ROR2: variants seen among roughly 807,000 people sequenced by gnomAD.
ROR2 encodes the protein ROR family WNT receptor 2, also known as tyrosine-protein kinase transmembrane receptor ROR2.
ROR2 carries 33 observed loss-of-function variants against 74.9 expected under a neutral mutation model. The observed-to-expected ratio is 0.44, with a 90% CI of 0.33 to 0.59. The LOEUF is 0.59. Ranked by LOEUF, ROR2 falls within the 20% of genes least tolerant of loss-of-function variation. The pLI is 0.02. For synonymous variants in ROR2, 586 were observed against 558.7 expected, an observed-to-expected ratio of 1.05 and a Z score of -0.69; for missense variants, 1,216 against 1,313.8, an observed-to-expected ratio of 0.93 and a Z score of 1.15.
At chr9:91,770,002 C>A (rs1664666868) in intron 2 of ROR2, among the ~76,000 whole-genome samples, 1 of 152,232 alleles carries the variant, frequency 6.6e-6, no homozygotes, top group South Asian at 2.1e-4. Context: ...CGAGTACCGC[C>A]TTGGACATCC....
chr9:91,841,519 T>A (rs1375940524), intron 1 of ROR2, among the ~76,000 whole-genome samples: 2 of 152,218 alleles, frequency 1.3e-5, no homozygotes, highest in Non-Finnish European at 2.9e-5. Context: ...AAAAGATTAT[T>A]TTTATTGGTT....
At chr9:91,768,473 T>G (rs992906860) in intron 2 of ROR2, among the ~76,000 whole-genome samples, 33 of 152,222 alleles carry the variant, frequency 2.2e-4, no homozygotes, top group Non-Finnish European at 4.0e-4. Flanking sequence ...CACAGCCCTT[T>G]GCAGTATGGT....
At chr9:91,874,045 G>A (rs913594516) in intron 1 of ROR2, among the ~76,000 whole-genome samples, 1 of 152,146 alleles carries the variant, frequency 6.6e-6, no homozygotes, top group African/African-American at 2.4e-5. Flanking sequence ...CTGTAATTTG[G>A]TCTCTGCCCA....
At chr9:91,911,331 C>T (rs1830973924) in intron 1 of ROR2, among the ~76,000 whole-genome samples, 1 of 152,172 alleles carries the variant, frequency 6.6e-6, no homozygotes, top group Non-Finnish European at 1.5e-5. Flanking sequence ...GATGGTACAG[C>T]TTACTACACA....
intron 1 of ROR2, among the ~76,000 whole-genome samples, chr9:91,826,521 C>T (rs1237209099): frequency 1.3e-5 from 2 of 152,196 alleles, no homozygotes; most frequent in Non-Finnish European, 2.9e-5. Context: ...GTGCCTCACA[C>T]CCGTAATCCC....
chr9:91,763,362 T>G (rs1273368004), intron 2 of ROR2, among the ~76,000 whole-genome samples: 1 of 152,194 alleles, frequency 6.6e-6, no homozygotes, highest in Non-Finnish European at 1.5e-5. Flanking sequence ...CACTTGGATG[T>G]GGTGTCATAG....
In ROR2 at chr9:91,723,550, C is replaced by G; in HGVS notation, c.*112G>C. ...CTCACCCAGTCTGCAAACAAGCCCA[C>G]TGGCCGGCGGGCTCTTGTGATTGCT... On this transcript the variant is annotated 3_prime_UTR_variant, in exon 9 of 9. Transcript: ENST00000375708. 6.7e-7 allele frequency: 1 copy of G among 1,486,702 alleles called. No individual in the cohort carries two copies. Among genetic ancestry groups the G allele is most frequent in the Non-Finnish European group, 9.0e-7 (1 of 1,106,856 alleles). The allele number at this position is 1,486,702 out of a possible 1,614,324, so 92.1% of individuals were successfully genotyped here. A position where few individuals can be genotyped will look rare whatever the true frequency, so the allele number is the denominator to read the frequency against.
At chr9:91,856,847 C>G (rs1440313370) in intron 1 of ROR2, among the ~76,000 whole-genome samples, 1 of 152,222 alleles carries the variant, frequency 6.6e-6, no homozygotes, top group African/African-American at 2.4e-5. Flanking sequence ...GGCTGCCTCA[C>G]TGCTCAAGCT....
chr9:91,848,764 G>GGAAA (rs1829006745), intron 1 of ROR2, among the ~76,000 whole-genome samples: 3 of 103,756 alleles, frequency 2.9e-5, no homozygotes, highest in African/African-American at 1.1e-4. Flanking sequence ...CAGGGGGGAA[G>GGAAA]AAAAAAAAAA....
At chr9:91,928,251 G>C (rs1447514498) in intron 1 of ROR2, among the ~76,000 whole-genome samples, 2 of 152,100 alleles carry the variant, frequency 1.3e-5, no homozygotes, top group East Asian at 3.8e-4. Flanking sequence ...AGCCCATCTG[G>C]AACCGTCCCC....
chr9:91,807,108 A>G (rs1162621820), intron 1 of ROR2, among the ~76,000 whole-genome samples: 2 of 152,222 alleles, frequency 1.3e-5, no homozygotes, highest in Non-Finnish European at 2.9e-5. Flanking sequence ...TAGAGAAGGA[A>G]GGCTACATAG....
At chr9:91,835,627 A>G (rs1232146694) in intron 1 of ROR2, among the ~76,000 whole-genome samples, 1 of 152,230 alleles carries the variant, frequency 6.6e-6, no homozygotes, top group Non-Finnish European at 1.5e-5. Flanking sequence ...GCCTGCAGCA[A>G]CAGCAGTGAG....
At chr9:91,925,875 C>T (rs1179738077) in intron 1 of ROR2, among the ~76,000 whole-genome samples, 1 of 152,164 alleles carries the variant, frequency 6.6e-6, no homozygotes, top group Non-Finnish European at 1.5e-5. Context: ...GGGGTTTCCT[C>T]CTGGTGAGAA....
intron 1 of ROR2, among the ~76,000 whole-genome samples, chr9:91,794,988 G>T (rs982940883): frequency 6.6e-6 from 1 of 151,600 alleles, no homozygotes; most frequent in Non-Finnish European, 1.5e-5. Context: ...TGGGTGTGGT[G>T]GCAGGCGCCT....
intron 1 of ROR2, among the ~76,000 whole-genome samples, chr9:91,808,109 GAA>G (rs59484238): frequency 1.3e-5 from 2 of 149,206 alleles, no homozygotes; most frequent in East Asian, 2.0e-4. Context: ...AATGCTTTAG[GAA>G]AAAAAAAAGT....
In ROR2 at chr9:91,733,505, A is replaced by C. The variant is rs554771577; in HGVS notation, c.623-69T>G. The C allele has an allele frequency of 7.4e-6, 11 of 1,492,388 alleles. No homozygotes were observed. The highest frequency in any genetic ancestry group is 7.0e-5 in the African/African-American group (5 of 70,928). The allele number at this position is 1,492,388 out of a possible 1,614,324, so 92.4% of individuals were successfully genotyped here. A position where few individuals can be genotyped will look rare whatever the true frequency, so the allele number is the denominator to read the frequency against. On this transcript the variant is annotated intron_variant, in intron 5 of 8. Transcript: ENST00000375708. This position sits in a 1 kb window ranked among gnomAD's most constrained non-coding sequence, Gnocchi z 5.7. ...CGCCCTTGACATTCATCCAGTCCCC[A>C]CCCCCAGCCTGGCATCCCAGACTGC...
chr9:91,830,766 AAGTT>A (rs1426321979), intron 1 of ROR2, among the ~76,000 whole-genome samples: 8 of 152,068 alleles, frequency 5.3e-5, no homozygotes, highest in Non-Finnish European at 8.8e-5. Flanking sequence ...TTTGAAAAAA[AAGTT>A]AGTATGAATA....
At position 91,733,342 on chromosome 9, in the gene ROR2, G is replaced by A. The variant is rs56302651; in HGVS notation, c.717C>T (p.Cys239=). 4,707 of 1,612,254 alleles carry A rather than the reference G, an allele frequency of 2.9e-3. 14 individuals carry two copies. The highest frequency in any genetic ancestry group is 0.014 in the African/African-American group (1,041 of 75,052). ...GCTTGGGTGTCCGGGAGCGCGCGTC[G>A]CACAGAGGAAACACGAAGTGGCAGA... ...PSFCHFVFPL[C]DARSRTPKPR... Residue 239 remains cysteine (C), a synonymous_variant, in exon 6 of 9, where the codon TGC becomes TGT. Transcript: ENST00000375708. The surrounding 1 kb of genome is among the most constrained non-coding windows in gnomAD (Gnocchi z 5.7).
chr9:91,807,693 C>T (rs377438365), intron 1 of ROR2, among the ~76,000 whole-genome samples: 1 of 152,140 alleles, frequency 6.6e-6, no homozygotes, highest in South Asian at 2.1e-4. Context: ...ACCCAGCTGG[C>T]GTCCACTGCT....
Sources: gnomAD v4.1 joint callset for allele counts (sites outside exome capture counted in the v4.1 genomes callset) on GRCh38, gnomAD v4.1.1 for gene constraint, Gnocchi (gnomAD v3.1) non-coding constraint, MANE v1.5 for transcripts, NCBI Gene and HGNC (gene_info 2026-07-23, HGNC 2026-07-21) for gene names.